LINGO2: variants seen among roughly 807,000 people sequenced by gnomAD.
LINGO2 encodes the protein leucine rich repeat and Ig domain containing 2.
In LINGO2, 14 loss-of-function variants were observed where a neutral mutation model predicts 30.6. The observed-to-expected ratio is 0.46, with a 90% CI of 0.30 to 0.72. LINGO2 has a LOEUF of 0.72. Ranked by LOEUF, LINGO2 falls within the 30% of genes least tolerant of loss-of-function variation. The pLI is 0.07. For missense variants in LINGO2, 729 were observed against 751.7 expected (o/e 0.97, Z 0.35); for synonymous variants, 317 against 288.5 (o/e 1.10, Z -1.00).
At chr9:28,272,536 C>T (rs996101395) in intron 4 of LINGO2, among the ~76,000 whole-genome samples, 3 of 151,964 alleles carry the variant, frequency 2.0e-5, no homozygotes, top group Non-Finnish European at 4.4e-5. Flanking sequence ...CCATGTTTCC[C>T]TGAAATTACT....
chr9:28,810,429 G>T, the LINGO2 span, among the ~76,000 whole-genome samples: 1 of 152,214 alleles, frequency 6.6e-6, no homozygotes, highest in East Asian at 1.9e-4. Flanking sequence ...ATGATTCAAA[G>T]AATGTTTACA....
chr9:28,778,399 A>G, the LINGO2 span, among the ~76,000 whole-genome samples: 1 of 152,142 alleles, frequency 6.6e-6, no homozygotes. Flanking sequence ...CAAGGAAACA[A>G]GGGAGGTGTT....
intron 1 of LINGO2, among the ~76,000 whole-genome samples, chr9:28,637,869 A>G (rs1052100636): frequency 4.6e-5 from 7 of 152,106 alleles, no homozygotes; most frequent in African/African-American, 1.4e-4. Context: ...TTGAAAAGGA[A>G]TGGTGAGAGA....
chr9:28,949,472 C>T, the LINGO2 span, among the ~76,000 whole-genome samples: 2 of 152,210 alleles, frequency 1.3e-5, no homozygotes, highest in South Asian at 4.1e-4. Flanking sequence ...TCAGAGAATA[C>T]TGTAAACACA....
rs544529373 is a variant in LINGO2, at chr9:28,329,433, C to A, written c.-245-34067G>T. ...GCTAATAAGGTAGGGGCACACACCACGCTGTCTCTTCGGCCAAGTCATTAT... is the reference window on the plus strand; with the variant it reads ...GCTAATAAGGTAGGGGCACACACCAAGCTGTCTCTTCGGCCAAGTCATTAT... On this transcript the variant is annotated intron_variant, in intron 3 of 5. Transcript: ENST00000379992. This position sits in a 1 kb window ranked among gnomAD's most constrained non-coding sequence, Gnocchi z 4.5. 1.3e-5 allele frequency among the ~76,000 whole-genome samples: 2 copies of A among 152,248 alleles called. No homozygotes were observed. Among genetic ancestry groups the A allele is most frequent in the Admixed American group, 1.3e-4 (2 of 15,292 alleles).
At chr9:28,322,919 G>T (rs975262586) in intron 3 of LINGO2, among the ~76,000 whole-genome samples, 7 of 152,106 alleles carry the variant, frequency 4.6e-5, no homozygotes, top group Non-Finnish European at 4.4e-5. Context: ...CTATTTATAT[G>T]TACACAGTGA....
intron 1 of LINGO2, among the ~76,000 whole-genome samples, chr9:28,591,288 C>T (rs1360969664): frequency 6.6e-6 from 1 of 151,876 alleles, no homozygotes; most frequent in African/African-American, 2.4e-5. Context: ...TGCACATGTA[C>T]CCTAAAACTT....
intron 1 of LINGO2, among the ~76,000 whole-genome samples, chr9:28,601,341 C>G (rs1825460775): frequency 1.3e-5 from 2 of 152,098 alleles, no homozygotes; most frequent in African/African-American, 4.8e-5. Context: ...ACAAATATTT[C>G]TCAACCCAGC....
At chr9:28,103,706 T>G (rs1826483833) in intron 4 of LINGO2, among the ~76,000 whole-genome samples, 1 of 152,230 alleles carries the variant, frequency 6.6e-6, no homozygotes, top group Non-Finnish European at 1.5e-5. Flanking sequence ...ATTGTTGTTT[T>G]ACTTCACTAA....
the LINGO2 span, among the ~76,000 whole-genome samples, chr9:29,154,627 C>T: frequency 6.6e-6 from 1 of 151,918 alleles, no homozygotes; most frequent in Non-Finnish European, 1.5e-5. Flanking sequence ...ATTCAAGAGC[C>T]CAATTTACTA....
intron 1 of LINGO2, among the ~76,000 whole-genome samples, chr9:28,532,627 AG>A (rs1456279932): frequency 1.3e-5 from 2 of 152,078 alleles, no homozygotes; most frequent in Non-Finnish European, 2.9e-5. Context: ...CCAAGGAGAA[AG>A]AAAAAGCAGG....
the LINGO2 span, among the ~76,000 whole-genome samples, chr9:28,764,401 A>T: frequency 6.6e-6 from 1 of 151,956 alleles, no homozygotes; most frequent in African/African-American, 2.4e-5. Context: ...AAAGATTAAA[A>T]CTACATGATC....
intron 4 of LINGO2, among the ~76,000 whole-genome samples, chr9:28,015,534 G>C (rs1204279055): frequency 6.6e-6 from 1 of 152,028 alleles, no homozygotes; most frequent in Non-Finnish European, 1.5e-5. Context: ...TTCCGTGTTT[G>C]ACATTGTCTG....
the LINGO2 span, among the ~76,000 whole-genome samples, chr9:29,045,074 A>T: frequency 1.3e-5 from 2 of 152,120 alleles, no homozygotes; most frequent in Non-Finnish European, 2.9e-5. Context: ...AGTTGATTGG[A>T]TAACCAAGAT....
intron 3 of LINGO2, among the ~76,000 whole-genome samples, chr9:28,347,847 G>A (rs1019559654): frequency 6.6e-6 from 1 of 152,162 alleles, no homozygotes; most frequent in African/African-American, 2.4e-5. Context: ...CCTGAGTGCT[G>A]AGTACTACTG....
the LINGO2 span, among the ~76,000 whole-genome samples, chr9:29,009,981 A>G: frequency 4.6e-5 from 7 of 152,220 alleles, no homozygotes; most frequent in Non-Finnish European, 8.8e-5. Context: ...AGCCATGTGT[A>G]GAAAGCTGAA....
intron 1 of LINGO2, among the ~76,000 whole-genome samples, chr9:28,572,069 TCAC>T (rs1823722408): frequency 6.6e-6 from 1 of 152,058 alleles, no homozygotes; most frequent in Admixed American, 6.6e-5. Flanking sequence ...CACCGTGCTG[TCAC>T]CTGGATATAA....
chr9:28,993,655 G>A, the LINGO2 span, among the ~76,000 whole-genome samples: 93,228 of 149,442 alleles, frequency 0.62, 31,203 homozygotes, highest in Non-Finnish European at 0.7. Context: ...GCACATCAAA[G>A]AGCTTATCCA....
intron 4 of LINGO2, among the ~76,000 whole-genome samples, chr9:28,158,386 T>G (rs963633208): frequency 1.3e-5 from 2 of 152,126 alleles, no homozygotes; most frequent in African/African-American, 4.8e-5. Context: ...CCATATCAAG[T>G]GCCAATAAAG....
Sources: gnomAD v4.1 joint callset for allele counts (sites outside exome capture counted in the v4.1 genomes callset) on GRCh38, gnomAD v4.1.1 for gene constraint, Gnocchi (gnomAD v3.1) non-coding constraint, MANE v1.5 for transcripts, NCBI Gene and HGNC (gene_info 2026-07-23, HGNC 2026-07-21) for gene names.